CNTLN: variants seen among roughly 807,000 people sequenced by gnomAD.
CNTLN encodes the protein centlein, also known as centlein, centrosomal protein.
Under a neutral mutation model 180.0 loss-of-function variants are expected in CNTLN, and 212 were observed. The observed-to-expected ratio is 1.18, with a 90% CI of 1.05 to 1.32. The LOEUF is 1.32. CNTLN is among the 40% of genes most tolerant of loss of function. CNTLN has a pLI of 0.00. For missense variants in CNTLN, 2,095 were observed against 1,610.9 expected (o/e 1.30, Z -5.14); for synonymous variants, 722 against 563.1 (o/e 1.28, Z -3.99).
rs529023895 is a variant in CNTLN at position 17,267,384 on chromosome 9, T to C, written c.850-6349T>C. 3.3e-5 allele frequency among the ~76,000 whole-genome samples: 5 copies of C among 152,328 alleles called. No homozygotes were observed. In the South Asian group the frequency reaches 8.3e-4, roughly 25 times the overall value. ...TATAGGCCCCCACTCTCTTCTGGCT[T>C]GTAGAGTTTCTGCCGAGAGCTCCGC... On this transcript the variant is annotated intron_variant, in intron 5 of 25. Transcript: ENST00000380647.
intron 13 of CNTLN, among the ~76,000 whole-genome samples, chr9:17,386,252 A>C (rs1196943261): frequency 1.3e-5 from 2 of 152,056 alleles, no homozygotes; most frequent in African/African-American, 4.8e-5. Flanking sequence ...GATTAAAAGA[A>C]AAAATATAGA....
chr9:17,279,345 C>G (rs1828515564), intron 6 of CNTLN, among the ~76,000 whole-genome samples: 1 of 152,106 alleles, frequency 6.6e-6, no homozygotes, highest in East Asian at 1.9e-4. Flanking sequence ...TTTGATTCAT[C>G]TCATGAGCCC....
At chr9:17,401,368 A>G (rs1329051874) in intron 15 of CNTLN, among the ~76,000 whole-genome samples, 1 of 151,896 alleles carries the variant, frequency 6.6e-6, no homozygotes, top group Non-Finnish European at 1.5e-5. Context: ...AGCAAAATCC[A>G]TATAGAGATT....
rs1829774645 is a variant in CNTLN, at chr9:17,436,322, T to C, written c.3114+20133T>C. On this transcript the variant is annotated intron_variant, in intron 18 of 25. Transcript: ENST00000380647. ...CAGAAGCACGTTTTGCTGCAGAAAC[T>C]TTTTCGGCAATGGCAATCTTAAAGC... Among the ~76,000 whole-genome samples, 8 of 152,208 alleles carry C rather than the reference T, an allele frequency of 5.3e-5. 1 individual carries two copies. In the South Asian group the frequency reaches 1.7e-3, roughly 31 times the overall value.
intron 2 of CNTLN, among the ~76,000 whole-genome samples, chr9:17,222,803 C>T (rs1365340391): frequency 6.6e-6 from 1 of 152,026 alleles, no homozygotes; most frequent in Non-Finnish European, 1.5e-5. Flanking sequence ...TCACTTAGCT[C>T]TTTCTCTTTA....
chr9:17,186,463 A>T (rs1821440653), intron 2 of CNTLN, among the ~76,000 whole-genome samples: 4 of 152,226 alleles, frequency 2.6e-5, no homozygotes. Flanking sequence ...CTCTAAGGTT[A>T]TCAATCTGTT....
intron 2 of CNTLN, among the ~76,000 whole-genome samples, chr9:17,145,825 C>G (rs1398584383): frequency 6.6e-6 from 1 of 151,862 alleles, no homozygotes; most frequent in Non-Finnish European, 1.5e-5. Context: ...TATTTTTTTT[C>G]TCAGAAAGGA....
intron 18 of CNTLN, among the ~76,000 whole-genome samples, chr9:17,439,039 T>G (rs1829953442): frequency 6.6e-6 from 1 of 152,066 alleles, no homozygotes; most frequent in African/African-American, 2.4e-5. Context: ...ATGGGAGGAA[T>G]TGAGGAATGG....
chr9:17,198,386 C>CTTTTTTTTTTTTTTTTTTTTTTTTTTT (rs61209273), intron 2 of CNTLN, among the ~76,000 whole-genome samples: 1 of 109,750 alleles, frequency 9.1e-6, no homozygotes, highest in Non-Finnish European at 2.0e-5. Context: ...TCTTTTCTTT[C>CTTTTTTTTTTTTTTTTTTTTTTTTTTT]TTTTTTTTTT....
chr9:17,437,936 G>C (rs1829873486), intron 18 of CNTLN, among the ~76,000 whole-genome samples: 1 of 152,092 alleles, frequency 6.6e-6, no homozygotes, highest in African/African-American at 2.4e-5. Flanking sequence ...TAACCTTAAG[G>C]TTTTGTATGA....
intron 2 of CNTLN, among the ~76,000 whole-genome samples, chr9:17,163,299 A>G (rs1819810928): frequency 6.6e-6 from 1 of 152,236 alleles, no homozygotes; most frequent in Admixed American, 6.5e-5. Flanking sequence ...AAACCATATT[A>G]GATGATATAT....
At chr9:17,329,094 G>T (rs1328286594) in intron 8 of CNTLN, among the ~76,000 whole-genome samples, 1 of 151,852 alleles carries the variant, frequency 6.6e-6, no homozygotes, top group Non-Finnish European at 1.5e-5. Flanking sequence ...ACACAAGTTT[G>T]CTTGTTGGAT....
chr9:17,406,883 C>T (rs1232375666), intron 15 of CNTLN, among the ~76,000 whole-genome samples: 4 of 151,760 alleles, frequency 2.6e-5, no homozygotes, highest in South Asian at 2.1e-4. Context: ...ACCAAGGGCT[C>T]TCCAATCAAA....
At chr9:17,379,358 G>T (rs1333218388) in intron 13 of CNTLN, among the ~76,000 whole-genome samples, 1 of 152,046 alleles carries the variant, frequency 6.6e-6, no homozygotes. Flanking sequence ...CATCTTCAGA[G>T]CTCTCCCTGT....
intron 13 of CNTLN, among the ~76,000 whole-genome samples, chr9:17,373,936 C>A (rs1587815929): frequency 6.6e-6 from 1 of 152,240 alleles, no homozygotes; most frequent in East Asian, 1.9e-4. Flanking sequence ...AAACTAGTCC[C>A]CTATGTCTTG....
intron 20 of CNTLN, among the ~76,000 whole-genome samples, chr9:17,463,261 C>G (rs1033011106): frequency 1.3e-4 from 20 of 151,562 alleles, no homozygotes; most frequent in African/African-American, 4.6e-4. Context: ...TGAATAAATA[C>G]AAATTAATGG....
chr9:17,514,854 G>A, the CNTLN span, among the ~76,000 whole-genome samples: 4 of 152,292 alleles, frequency 2.6e-5, no homozygotes, highest in Admixed American at 6.5e-5. Flanking sequence ...TGAACCATGT[G>A]CCTTTATGAC....
intron 23 of CNTLN, among the ~76,000 whole-genome samples, chr9:17,467,133 A>G (rs1413312556): frequency 1.3e-5 from 2 of 151,550 alleles, no homozygotes; most frequent in African/African-American, 2.4e-5. Context: ...TAGTTATGAA[A>G]TTGTAGTAGT....
chr9:17,496,247 G>C (rs1043602683), intron 25 of CNTLN, among the ~76,000 whole-genome samples: 1 of 152,090 alleles, frequency 6.6e-6, no homozygotes, highest in Non-Finnish European at 1.5e-5. Flanking sequence ...GTACTATTAA[G>C]TGTTCTCTTA....
Sources: allele counts gnomAD v4.1 joint callset (sites outside exome capture counted in the v4.1 genomes callset), GRCh38; gene constraint gnomAD v4.1.1; transcripts MANE v1.5; gene names NCBI Gene and HGNC (gene_info 2026-07-23, HGNC 2026-07-21).